The following CADM2 variants were observed in gnomAD, a reference collection of about 807,000 sequenced individuals.
CADM2 encodes the protein cell adhesion molecule 2.
Under a neutral mutation model 49.8 loss-of-function variants are expected in CADM2, and 12 were observed. That is an observed-to-expected ratio of 0.24 (90% confidence interval 0.15 to 0.39). The LOEUF (loss-of-function observed/expected upper bound fraction) is 0.39, where lower values mean the gene tolerates loss of function less well. CADM2 is among the 10% of genes least tolerant of loss of function. The pLI is 1.00. For missense variants in CADM2, 378 were observed against 492.3 expected (o/e 0.77, Z 2.20); for synonymous variants, 214 against 175.4 (o/e 1.22, Z -1.74).
At chr3:85,865,952 T>G (rs1423920538) in intron 3 of CADM2, among the ~76,000 whole-genome samples, 1 of 152,074 alleles carries the variant, frequency 6.6e-6, no homozygotes, top group Non-Finnish European at 1.5e-5. Flanking sequence ...CCTTTCAAAA[T>G]AAATAGAATT....
chr3:85,446,991 C>CATATATACAT (rs2037491014), intron 1 of CADM2, among the ~76,000 whole-genome samples: 1 of 54,552 alleles, frequency 1.8e-5, no homozygotes, highest in Admixed American at 2.8e-4. Flanking sequence ...ATATGTATTG[C>CATATATACAT]ATATATATAT....
chr3:85,159,896 A>G (rs2040260868), intron 1 of CADM2, among the ~76,000 whole-genome samples: 2 of 152,204 alleles, frequency 1.3e-5, no homozygotes, highest in African/African-American at 2.4e-5. Flanking sequence ...AGTTTTACCC[A>G]TTAATAAATC....
chr3:85,877,670 A>AT (rs924773018), intron 3 of CADM2, among the ~76,000 whole-genome samples: 1 of 101,308 alleles, frequency 9.9e-6, no homozygotes, highest in African/African-American at 4.1e-5. Context: ...TAAATGGAAC[A>AT]TTTTTTTTCT....
chr3:85,631,141 C>T (rs756055019), intron 1 of CADM2, among the ~76,000 whole-genome samples: 3 of 152,142 alleles, frequency 2.0e-5, no homozygotes, highest in South Asian at 4.1e-4. Context: ...CTCTTCTCTT[C>T]GGACTGGCTC....
intron 1 of CADM2, among the ~76,000 whole-genome samples, chr3:85,491,574 A>G (rs921151007): frequency 6.6e-6 from 1 of 152,150 alleles, no homozygotes; most frequent in African/African-American, 2.4e-5. Context: ...AAACTGTGTG[A>G]AAAGCATAAT....
At chr3:85,262,814 T>C (rs1410482427) in intron 1 of CADM2, among the ~76,000 whole-genome samples, 1 of 152,122 alleles carries the variant, frequency 6.6e-6, no homozygotes, top group Non-Finnish European at 1.5e-5. Context: ...ACGTATAAGA[T>C]CTACACAGAC....
intron 3 of CADM2, among the ~76,000 whole-genome samples, chr3:85,804,878 CT>C (rs1213541735): frequency 2.6e-5 from 4 of 152,120 alleles, no homozygotes; most frequent in African/African-American, 4.8e-5. Flanking sequence ...TAATATATTC[CT>C]GCATCTTTAC....
At chr3:85,742,852 C>T (rs1334601103) in intron 2 of CADM2, among the ~76,000 whole-genome samples, 3 of 152,150 alleles carry the variant, frequency 2.0e-5, no homozygotes. Context: ...GAATTCCTAT[C>T]CAGCACCGTC....
intron 7 of CADM2, among the ~76,000 whole-genome samples, chr3:85,960,402 A>C (rs1559767930): frequency 1.3e-5 from 2 of 151,940 alleles, no homozygotes; most frequent in Non-Finnish European, 2.9e-5. Flanking sequence ...AATTATGCTG[A>C]AATTAGAAAA....
intron 1 of CADM2, among the ~76,000 whole-genome samples, chr3:85,175,541 A>G (rs1559703771): frequency 2.0e-5 from 3 of 152,208 alleles, no homozygotes; most frequent in Admixed American, 1.3e-4. Context: ...CGATGTTCCT[A>G]GCATAGCCAA....
chr3:85,404,392 A>G (rs2035271571), intron 1 of CADM2, among the ~76,000 whole-genome samples: 1 of 152,152 alleles, frequency 6.6e-6, no homozygotes, highest in Non-Finnish European at 1.5e-5. Flanking sequence ...AAATAGTCAA[A>G]TGAAAGGATG....
chr3:85,998,789 G>T (rs980364530), intron 8 of CADM2, among the ~76,000 whole-genome samples: 1 of 152,090 alleles, frequency 6.6e-6, no homozygotes, highest in Non-Finnish European at 1.5e-5. Flanking sequence ...GAGAAATCTA[G>T]ATAATTAACA....
chr3:85,174,862 A>G (rs1463880357), intron 1 of CADM2, among the ~76,000 whole-genome samples: 2 of 152,166 alleles, frequency 1.3e-5, no homozygotes, highest in Non-Finnish European at 2.9e-5. Context: ...CATACGTTTT[A>G]GTTTACTGTG....
intron 6 of CADM2, among the ~76,000 whole-genome samples, chr3:85,914,733 A>C (rs1013836123): frequency 3.3e-5 from 5 of 152,208 alleles, no homozygotes; most frequent in Admixed American, 1.3e-4. Context: ...AAAACATAGC[A>C]GATGAATCTC....
chr3:85,883,537 A>T, intron 4 of CADM2, 94 bp downstream of exon 4: 1 of 1,093,314 alleles, frequency 9.1e-7, no homozygotes, highest in East Asian at 2.7e-5. Context: ...TATTTTGAAG[A>T]TTATATGAAT....
intron 1 of CADM2, among the ~76,000 whole-genome samples, chr3:85,601,004 T>A (rs1253800923): frequency 6.6e-6 from 1 of 150,384 alleles, no homozygotes; most frequent in Non-Finnish European, 1.5e-5. Context: ...GATAGATAAA[T>A]ACCATATAAA....
intron 1 of CADM2, among the ~76,000 whole-genome samples, chr3:85,232,118 T>C (rs1257597895): frequency 7.1e-6 from 1 of 141,646 alleles, no homozygotes; most frequent in African/African-American, 2.7e-5. Flanking sequence ...TTTGTGTTAT[T>C]TTGTTCGATT....
At chr3:86,063,608 C>T (rs1041943106) in intron 8 of CADM2, among the ~76,000 whole-genome samples, 3 of 152,188 alleles carry the variant, frequency 2.0e-5, no homozygotes, top group African/African-American at 7.2e-5. Context: ...ATTTTGCATT[C>T]AGCAAGTTTA....
chr3:86,044,869 C>T (rs1029301000), intron 8 of CADM2, among the ~76,000 whole-genome samples: 23 of 152,178 alleles, frequency 1.5e-4, no homozygotes, highest in African/African-American at 5.5e-4. Context: ...CCATGAAATA[C>T]TATGCAGCCA....
Sources: gnomAD v4.1 joint callset for allele counts (sites outside exome capture counted in the v4.1 genomes callset) on GRCh38, gnomAD v4.1.1 for gene constraint, MANE v1.5 for transcripts, NCBI Gene and HGNC (gene_info 2026-07-23, HGNC 2026-07-21) for gene names.